PHACTR1: variants seen among roughly 807,000 people sequenced by gnomAD.
PHACTR1 encodes the protein phosphatase and actin regulator 1.
In PHACTR1, 16 loss-of-function variants were observed where a neutral mutation model predicts 69.2. The observed-to-expected ratio is 0.23, with a 90% CI of 0.16 to 0.35. The LOEUF (loss-of-function observed/expected upper bound fraction) is 0.35, where lower values mean the gene tolerates loss of function less well. Among genes scored for constraint, PHACTR1 ranks in the 10% least tolerant of loss-of-function variants. PHACTR1 has a pLI of 1.00. For missense variants in PHACTR1, 510 were observed against 734.7 expected, an observed-to-expected ratio of 0.69 and a Z score of 3.54; for synonymous variants, 312 against 284.5, an observed-to-expected ratio of 1.10 and a Z score of -0.97.
At chr6:13,190,200 T>TTTTTTTTGTA (rs1763369284) in intron 7 of PHACTR1, among the ~76,000 whole-genome samples, 1 of 133,402 alleles carries the variant, frequency 7.5e-6, no homozygotes, top group Admixed American at 7.4e-5. Flanking sequence ...ATTTTTGTAT[T>TTTTTTTTGTA]TTTTTTTTTT....
chr6:12,768,886 A>G (rs1180699270), intron 4 of PHACTR1, among the ~76,000 whole-genome samples: 1 of 151,900 alleles, frequency 6.6e-6, no homozygotes, highest in Non-Finnish European at 1.5e-5. Flanking sequence ...GAGCCATAAA[A>G]CAGAATGAAA....
chr6:13,181,962 G>C lies in PHACTR1; in HGVS notation c.497-557G>C, dbSNP rs563524292. Among the ~76,000 whole-genome samples the C allele has an allele frequency of 2.0e-5, 3 of 152,190 alleles. No homozygotes were observed. In the South Asian group the frequency reaches 6.2e-4, roughly 32 times the overall value. ...AAATACATAGAAAATGGCCGGGCGC[G>C]GTGGCTTATGCCTGTAATCCCAGCA... On this transcript the variant is annotated intron_variant, in intron 6 of 14. Coordinates refer to ENST00000332995, the MANE Select transcript of PHACTR1 (RefSeq NM_030948.6).
At chr6:12,812,399 T>C (rs1042562258) in intron 4 of PHACTR1, among the ~76,000 whole-genome samples, 4 of 152,242 alleles carry the variant, frequency 2.6e-5, no homozygotes, top group Non-Finnish European at 5.9e-5. Flanking sequence ...TTTGATATTT[T>C]AAGTGTGTCA....
At chr6:12,832,714 T>C (rs1237204128) in intron 4 of PHACTR1, among the ~76,000 whole-genome samples, 1 of 152,114 alleles carries the variant, frequency 6.6e-6, no homozygotes, top group East Asian at 1.9e-4. Context: ...GCCCTTTGCC[T>C]CAATAAATAA....
chr6:12,928,333 G>GA, intron 4 of PHACTR1, among the ~76,000 whole-genome samples: 1 of 152,202 alleles, frequency 6.6e-6, no homozygotes, highest in East Asian at 1.9e-4. Flanking sequence ...GCTGCTGAAC[G>GA]AAACCCCTCA....
chr6:13,083,926 A>T (rs1437103221), intron 5 of PHACTR1, among the ~76,000 whole-genome samples: 2 of 152,112 alleles, frequency 1.3e-5, no homozygotes, highest in Non-Finnish European at 2.9e-5. Context: ...TCCTAATTGA[A>T]TGCCCTTTGT....
chr6:13,268,294 A>G (rs1777104428), intron 10 of PHACTR1, among the ~76,000 whole-genome samples: 1 of 152,182 alleles, frequency 6.6e-6, no homozygotes, highest in South Asian at 2.1e-4. Context: ...GTAACCTCTG[A>G]GCATGCCAAA....
At chr6:12,749,330 C>A in intron 3 of PHACTR1, 1 of 445,002 alleles carries the variant, frequency 2.2e-6, no homozygotes, top group Non-Finnish European at 4.3e-6. Context: ...AAAGCACTGG[C>A]CCCTCGGCCC....
At chr6:13,111,774 A>G (rs1022968636) in intron 5 of PHACTR1, among the ~76,000 whole-genome samples, 2 of 152,052 alleles carry the variant, frequency 1.3e-5, no homozygotes, top group African/African-American at 4.8e-5. Flanking sequence ...CTATTCTTGC[A>G]TGGTTTTTTT....
chr6:12,898,272 T>A (rs1001883678), intron 4 of PHACTR1, among the ~76,000 whole-genome samples: 1 of 152,152 alleles, frequency 6.6e-6, no homozygotes, highest in Non-Finnish European at 1.5e-5. Context: ...AAAGCTTCCC[T>A]GCCCAAGGGA....
chr6:13,108,923 G>T (rs1282015637), intron 5 of PHACTR1, among the ~76,000 whole-genome samples: 1 of 151,460 alleles, frequency 6.6e-6, no homozygotes, highest in African/African-American at 2.4e-5. Flanking sequence ...TTTATTTTTA[G>T]TTTTTTTAAA....
intron 5 of PHACTR1, among the ~76,000 whole-genome samples, chr6:13,089,393 G>A (rs1272926918): frequency 1.3e-5 from 2 of 152,106 alleles, no homozygotes; most frequent in Non-Finnish European, 2.9e-5. Flanking sequence ...TGTATAGAAG[G>A]GCAGATCTGG....
chr6:12,997,285 A>G (rs1797539498), intron 4 of PHACTR1, among the ~76,000 whole-genome samples: 1 of 147,886 alleles, frequency 6.8e-6, no homozygotes, highest in Admixed American at 6.8e-5. Flanking sequence ...GTAAATCTCT[A>G]TATAAGTGAA....
Position 12,945,223 on chromosome 6 carries a change from A to T in PHACTR1, c.251-108142A>T, listed in dbSNP as rs558665985. Among the ~76,000 whole-genome samples the T allele has an allele frequency of 2.6e-5, 4 of 152,088 alleles. No homozygotes were observed. In the South Asian group the frequency reaches 8.3e-4, roughly 32 times the overall value. On this transcript the variant is annotated intron_variant, in intron 4 of 14. Coordinates refer to ENST00000332995, the MANE Select transcript of PHACTR1 (RefSeq NM_030948.6). ...CTCTTTTAGGTCCCCATATAAAACC[A>T]CTTCCTCCAGAAAGCCCTCCCTAAT...
At chr6:12,788,167 A>G (rs1771781178) in intron 4 of PHACTR1, among the ~76,000 whole-genome samples, 1 of 151,750 alleles carries the variant, frequency 6.6e-6, no homozygotes, top group Non-Finnish European at 1.5e-5. Flanking sequence ...CAAATTAAAA[A>G]AAAAAAAAAA....
chr6:12,910,614 T>C (rs1290270029), intron 4 of PHACTR1, among the ~76,000 whole-genome samples: 1 of 152,198 alleles, frequency 6.6e-6, no homozygotes, highest in Non-Finnish European at 1.5e-5. Context: ...TGCAGCTTTG[T>C]TCATCAGCAC....
chr6:12,777,917 C>T (rs150169457), intron 4 of PHACTR1, among the ~76,000 whole-genome samples: 1 of 152,298 alleles, frequency 6.6e-6, no homozygotes, highest in African/African-American at 2.4e-5. Flanking sequence ...CAGGCATGAG[C>T]CATGGCGCCC....
intron 4 of PHACTR1, among the ~76,000 whole-genome samples, chr6:12,778,241 A>G (rs1240026026): frequency 6.6e-6 from 1 of 152,264 alleles, no homozygotes; most frequent in Non-Finnish European, 1.5e-5. Context: ...TGAAACCATA[A>G]AATCCAAACA....
intron 5 of PHACTR1, among the ~76,000 whole-genome samples, chr6:13,092,085 A>C (rs1489712713): frequency 6.6e-6 from 1 of 152,192 alleles, no homozygotes. Flanking sequence ...GGCATGAGCC[A>C]CCGCACCCAG....
Sources: gnomAD v4.1 joint callset for allele counts (sites outside exome capture counted in the v4.1 genomes callset) on GRCh38, gnomAD v4.1.1 for gene constraint, MANE v1.5 for transcripts, NCBI Gene and HGNC (gene_info 2026-07-23, HGNC 2026-07-21) for gene names.